The following PTPRG variants were observed in gnomAD, a reference collection of about 807,000 sequenced individuals.
The protein encoded by PTPRG is receptor-type tyrosine-protein phosphatase gamma.
Under a neutral mutation model 165.3 loss-of-function variants are expected in PTPRG, and 102 were observed. That is an observed-to-expected ratio of 0.62 (90% CI 0.53 to 0.73). The LOEUF (loss-of-function observed/expected upper bound fraction) is 0.73. Among genes scored for constraint, PTPRG ranks in the 30% least tolerant of loss-of-function variants. PTPRG has a pLI of 0.00. For missense variants in PTPRG, 1,866 were observed against 1,861.4 expected, an observed-to-expected ratio of 1.00 and a Z score of -0.05; for synonymous variants, 675 against 669.5, an observed-to-expected ratio of 1.01 and a Z score of -0.13.
chr3:62,252,984 C>CACTGA lies in PTPRG; in HGVS notation c.2468-2136_2468-2132dup, dbSNP rs1701455820. On this transcript the variant is annotated intron_variant, in intron 15 of 29. Transcript: ENST00000474889. The surrounding 1 kb of genome is among the most constrained non-coding windows in gnomAD (Gnocchi z 4.6). ...GAGTCATATATTTCCATGATTATCA[C>CACTGA]ACTGAACTCTGCTGGATTTTTGCTG... is the stretch of plus-strand genomic sequence containing the variant. Among the ~76,000 whole-genome samples the CACTGA allele has an allele frequency of 1.3e-5, 2 of 152,128 alleles. No homozygotes were observed. The highest frequency in any genetic ancestry group is 4.8e-5 in the African/African-American group (2 of 41,430).
chr3:61,654,954 G>A (rs1702468457), intron 1 of PTPRG, among the ~76,000 whole-genome samples: 1 of 150,502 alleles, frequency 6.6e-6, no homozygotes, highest in Admixed American at 6.6e-5. Context: ...GCTACTTTTT[G>A]TATTTTTTTT....
chr3:61,894,995 A>C (rs192303328), intron 2 of PTPRG, among the ~76,000 whole-genome samples: 8 of 152,318 alleles, frequency 5.3e-5, no homozygotes, highest in Admixed American at 4.6e-4. Flanking sequence ...AATGGTTAGC[A>C]GTATCTCTGG....
At chr3:61,981,821 C>G (rs1045361126) in intron 2 of PTPRG, among the ~76,000 whole-genome samples, 5 of 152,200 alleles carry the variant, frequency 3.3e-5, no homozygotes, top group Admixed American at 1.3e-4. Flanking sequence ...AACATCACCA[C>G]TGCCATATTC....
intron 12 of PTPRG, among the ~76,000 whole-genome samples, chr3:62,209,374 C>G (rs1700305112): frequency 1.3e-5 from 2 of 152,114 alleles, no homozygotes; most frequent in African/African-American, 4.8e-5. Context: ...TTATAGTATT[C>G]ATGTAAAGTT....
chr3:61,768,428 A>G (rs2034103000), intron 2 of PTPRG, among the ~76,000 whole-genome samples: 1 of 152,232 alleles, frequency 6.6e-6, no homozygotes, highest in Non-Finnish European at 1.5e-5. Flanking sequence ...TCATCAGTAC[A>G]GAATTGTTGG....
At chr3:61,599,257 C>A (rs903424065) in intron 1 of PTPRG, among the ~76,000 whole-genome samples, 3 of 152,172 alleles carry the variant, frequency 2.0e-5, no homozygotes, top group African/African-American at 7.2e-5. Flanking sequence ...TCAAGCGATT[C>A]TCCTGCCTCA....
At chr3:62,109,918 A>G (rs1702607299) in intron 5 of PTPRG, among the ~76,000 whole-genome samples, 1 of 151,978 alleles carries the variant, frequency 6.6e-6, no homozygotes, top group South Asian at 2.1e-4. Flanking sequence ...GGCCATTCCT[A>G]TAAACCATCA....
intron 17 of PTPRG, among the ~76,000 whole-genome samples, chr3:62,266,209 T>A (rs933155516): frequency 1.3e-5 from 2 of 152,176 alleles, no homozygotes; most frequent in African/African-American, 4.8e-5. Context: ...GCCACTCAGA[T>A]TCTGGGCACA....
At position 62,072,609 on chromosome 3, in the gene PTPRG, A is replaced by ATGTGTG. The variant is rs1174208882; in HGVS notation, c.520-5549_520-5548insGTGTGT. Among the ~76,000 whole-genome samples, 85 of 141,250 alleles carry ATGTGTG rather than the reference A, an allele frequency of 6.0e-4. 1 individual carries two copies. In the South Asian group the frequency reaches 0.01, roughly 17 times the overall value. The allele number at this position is 141,250 out of a possible 152,430, so 92.7% of individuals were successfully genotyped here. A position where few individuals can be genotyped will look rare whatever the true frequency, so the allele number is the denominator to read the frequency against. On this transcript the variant is annotated intron_variant, in intron 4 of 29. Transcript: ENST00000474889. ...TTTGTTTCTGTGCTTGAGAATATATATGTGTATGTGTGTGTGTGTGTGTGT... is the reference window on the plus strand; with the variant it reads ...TTTGTTTCTGTGCTTGAGAATATATATGTGTGTGTGTATGTGTGTGTGTGTGTGTGT...
At chr3:62,047,306 C>T (rs1296230690) in intron 4 of PTPRG, among the ~76,000 whole-genome samples, 2 of 148,622 alleles carry the variant, frequency 1.3e-5, no homozygotes, top group Non-Finnish European at 1.5e-5. Context: ...ATCGCCCAGG[C>T]TGGAGTGCAG....
chr3:61,928,737 G>T (rs1351818536), intron 2 of PTPRG, among the ~76,000 whole-genome samples: 1 of 152,048 alleles, frequency 6.6e-6, no homozygotes, highest in African/African-American at 2.4e-5. Flanking sequence ...AGAGATACTG[G>T]AGATAAGGGG....
chr3:61,878,244 A>T (rs761620223), intron 2 of PTPRG, among the ~76,000 whole-genome samples: 3 of 152,172 alleles, frequency 2.0e-5, no homozygotes, highest in Non-Finnish European at 2.9e-5. Flanking sequence ...GTTCTGAGTG[A>T]TAGGTCCATT....
intron 4 of PTPRG, among the ~76,000 whole-genome samples, chr3:62,036,349 T>C (rs1034893851): frequency 3.3e-5 from 5 of 152,214 alleles, no homozygotes; most frequent in African/African-American, 9.7e-5. Flanking sequence ...TCCTGGGTTA[T>C]TGCAAACTGA....
At position 61,772,987 on chromosome 3, in the gene PTPRG, A is replaced by G. The variant is rs572694518; in HGVS notation, c.190+24005A>G. Among the ~76,000 whole-genome samples the G allele has an allele frequency of 5.4e-4, 83 of 152,350 alleles. 1 individual carries two copies. Among genetic ancestry groups the G allele is most frequent in the Middle Eastern group, 6.8e-3 (2 of 294 alleles). ...ACTGAAAATAAGTGAATTGATCAAC[A>G]ATGAAGGAATTGCTTTTAGAGGCAA... On this transcript the variant is annotated intron_variant, in intron 2 of 29. Coordinates refer to ENST00000474889, the MANE Select transcript of PTPRG (RefSeq NM_002841.4).
intron 10 of PTPRG, among the ~76,000 whole-genome samples, chr3:62,198,584 T>C (rs1700024529): frequency 6.6e-6 from 1 of 152,180 alleles, no homozygotes; most frequent in South Asian, 2.1e-4. Flanking sequence ...TTTAGATAAA[T>C]AAGTGAAATA....
chr3:61,834,861 T>C lies in PTPRG; in HGVS notation c.190+85879T>C, dbSNP rs79852586. Among the ~76,000 whole-genome samples, 341 of 152,246 alleles carry C rather than the reference T, an allele frequency of 2.2e-3. 2 individuals carry two copies. The highest frequency in any genetic ancestry group is 7.2e-3 in the African/African-American group (300 of 41,558). ...GGTTCTGATGTGAGCTGCCAATTTT[T>C]TCTCATCCTGGAAGTTTCCTAAGGC... is the stretch of plus-strand genomic sequence containing the variant. On this transcript the variant is annotated intron_variant, in intron 2 of 29. Coordinates refer to ENST00000474889, the MANE Select transcript of PTPRG (RefSeq NM_002841.4).
At chr3:62,286,604 C>G (rs1321643873) in intron 28 of PTPRG, among the ~76,000 whole-genome samples, 1 of 151,674 alleles carries the variant, frequency 6.6e-6, no homozygotes, top group Non-Finnish European at 1.5e-5. Context: ...AAAGTACTTT[C>G]ATTTCTTTTG....
intron 2 of PTPRG, among the ~76,000 whole-genome samples, chr3:61,857,959 T>C (rs1375693108): frequency 6.6e-6 from 1 of 152,212 alleles, no homozygotes; most frequent in Non-Finnish European, 1.5e-5. Context: ...GACACCTCCC[T>C]CTTAACACCA....
chr3:61,995,382 G>A (rs773473495), intron 3 of PTPRG, among the ~76,000 whole-genome samples: 6 of 151,986 alleles, frequency 3.9e-5, no homozygotes, highest in African/African-American at 1.2e-4. Context: ...GAGCCACTGC[G>A]CCTGGCTCAT....
Sources: allele counts gnomAD v4.1 joint callset (sites outside exome capture counted in the v4.1 genomes callset), GRCh38; gene constraint gnomAD v4.1.1; non-coding constraint Gnocchi (gnomAD v3.1); transcripts MANE v1.5; gene names NCBI Gene and HGNC (gene_info 2026-07-23, HGNC 2026-07-21).